CALN1: variants seen among roughly 807,000 people sequenced by gnomAD.
The protein encoded by CALN1 is calneuron 1, also known as calcium-binding protein 8.
CALN1 carries 17 observed loss-of-function variants against 30.6 expected under a neutral mutation model. The ratio of observed to expected loss-of-function variants is 0.56; its 90% CI spans 0.38 to 0.83. CALN1 has a LOEUF of 0.83. Ranked by LOEUF, CALN1 falls within the 40% of genes least tolerant of loss-of-function variation. CALN1 has a pLI of 0.00. For missense variants in CALN1, 291 were observed against 354.9 expected (o/e 0.82, Z 1.45); for synonymous variants, 156 against 131.4 (o/e 1.19, Z -1.28).
At chr7:72,308,256 T>C (rs1799785889) in intron 2 of CALN1, among the ~76,000 whole-genome samples, 1 of 151,152 alleles carries the variant, frequency 6.6e-6, no homozygotes, top group Non-Finnish European at 1.5e-5. Context: ...TTCAGCTACT[T>C]GGGAGGCCAA....
chr7:72,338,470 A>AGTGTGTGTGTGTGTGTGTGTGT lies in CALN1; in HGVS notation c.120-59682_120-59661dup, dbSNP rs56695086. 1.9e-3 allele frequency among the ~76,000 whole-genome samples: 140 copies of AGTGTGTGTGTGTGTGTGTGTGT among 74,778 alleles called. 6 individuals carry two copies. Among genetic ancestry groups the AGTGTGTGTGTGTGTGTGTGTGT allele is most frequent in the East Asian group, 3.4e-3 (8 of 2,384 alleles). 49.1% of individuals were successfully genotyped at this position (74,778 alleles called of 152,430 possible). A position where few individuals can be genotyped will look rare whatever the true frequency, so the allele number is the denominator to read the frequency against. On this transcript the variant is annotated intron_variant, in intron 2 of 6. Coordinates refer to ENST00000395275, the MANE Select transcript of CALN1 (RefSeq NM_031468.4). ...GGGCGTTTTTGTCAGCCAGCAGCAC[A>AGTGTGTGTGTGTGTGTGTGTGT]GTGTGTGTGTGTGTGTGTGTGTGTG...
At chr7:72,008,189 T>C (rs1016834987) in intron 5 of CALN1, among the ~76,000 whole-genome samples, 46 of 152,310 alleles carry the variant, frequency 3.0e-4, no homozygotes, top group Admixed American at 9.2e-4. Flanking sequence ...ATACAATAAA[T>C]AGTATGAAGA....
At chr7:71,804,888 G>A (rs1787516341) in intron 6 of CALN1, among the ~76,000 whole-genome samples, 9 of 152,192 alleles carry the variant, frequency 5.9e-5, no homozygotes, top group Admixed American at 5.9e-4. Flanking sequence ...CTTTAACCCA[G>A]GTGGCAGAGG....
At chr7:72,365,979 T>A (rs117195990) in intron 2 of CALN1, among the ~76,000 whole-genome samples, 2,298 of 152,184 alleles carry the variant, frequency 0.015, 25 homozygotes, top group African/African-American at 0.028. Context: ...CTAAATCCAA[T>A]TCTAAGTATT....
intron 5 of CALN1, among the ~76,000 whole-genome samples, chr7:71,858,637 TC>T (rs1178554158): frequency 6.6e-6 from 1 of 151,978 alleles, no homozygotes; most frequent in Non-Finnish European, 1.5e-5. Flanking sequence ...TCTGATTGCT[TC>T]CCCCGCCCTA....
intron 1 of CALN1, among the ~76,000 whole-genome samples, chr7:72,404,464 A>T (rs949448885): frequency 1.3e-5 from 2 of 152,226 alleles, no homozygotes; most frequent in African/African-American, 2.4e-5. Context: ...AAGTTCAGAG[A>T]GTGTAAATGG....
intron 5 of CALN1, among the ~76,000 whole-genome samples, chr7:71,869,351 C>A (rs1791785839): frequency 6.6e-6 from 1 of 152,106 alleles, no homozygotes; most frequent in Admixed American, 6.6e-5. Context: ...GCTGGGATTA[C>A]AAGCATGCAC....
rs528850645 is a variant in CALN1 at position 71,902,358 on chromosome 7, A to T, written c.502-91866T>A. On this transcript the variant is annotated intron_variant, in intron 5 of 6. Coordinates refer to ENST00000395275, the MANE Select transcript of CALN1 (RefSeq NM_031468.4). Reference sequence around the variant, plus strand: ...TCAGAGAAATGCAAATTATAACTACAATGAGATACTATCTTACACCAGTCA... The same window carrying T: ...TCAGAGAAATGCAAATTATAACTACTATGAGATACTATCTTACACCAGTCA... 7.2e-5 allele frequency among the ~76,000 whole-genome samples: 11 copies of T among 152,334 alleles called. No individual in the cohort carries two copies. The South Asian group carries it at 1.0e-3, about 14-fold the overall frequency.
intron 3 of CALN1, among the ~76,000 whole-genome samples, chr7:72,238,412 G>A (rs1045163476): frequency 9.2e-5 from 14 of 152,128 alleles, no homozygotes; most frequent in African/African-American, 3.4e-4. Flanking sequence ...ATTATTTAAT[G>A]AGTATAATTT....
At chr7:71,995,706 G>A (rs753016748) in intron 5 of CALN1, among the ~76,000 whole-genome samples, 42 of 152,124 alleles carry the variant, frequency 2.8e-4, no homozygotes, top group Non-Finnish European at 5.1e-4. Flanking sequence ...TTCCCTGGCA[G>A]GCCTGAAATC....
chr7:72,296,815 G>A (rs543462790), intron 2 of CALN1, among the ~76,000 whole-genome samples: 4 of 150,656 alleles, frequency 2.7e-5, no homozygotes, highest in African/African-American at 9.7e-5. Context: ...ACCAGCTCCT[G>A]GATTCATTGA....
At chr7:72,092,909 C>G (rs942620763) in intron 4 of CALN1, among the ~76,000 whole-genome samples, 9 of 152,148 alleles carry the variant, frequency 5.9e-5, no homozygotes, top group African/African-American at 2.2e-4. Context: ...TCTGCCACAA[C>G]TCTTGAGTGA....
At chr7:72,297,200 GA>G (rs893480819) in intron 2 of CALN1, among the ~76,000 whole-genome samples, 4 of 151,766 alleles carry the variant, frequency 2.6e-5, no homozygotes, top group Non-Finnish European at 5.9e-5. Context: ...GGAGCATTCA[GA>G]AAAAAAGTTT....
At chr7:72,431,735 G>A (rs1166403478) in intron 1 of CALN1, among the ~76,000 whole-genome samples, 1 of 151,910 alleles carries the variant, frequency 6.6e-6, no homozygotes, top group East Asian at 1.9e-4. Context: ...CTGGCTACTT[G>A]GTAGGCTGAG....
chr7:71,813,246 T>C (rs1355837336), intron 5 of CALN1, among the ~76,000 whole-genome samples: 2 of 152,154 alleles, frequency 1.3e-5, no homozygotes, highest in African/African-American at 2.4e-5. Flanking sequence ...GGTTTCACCA[T>C]GTTGGCCAGG....
intron 3 of CALN1, among the ~76,000 whole-genome samples, chr7:72,209,698 G>C (rs956443604): frequency 6.6e-6 from 1 of 151,838 alleles, no homozygotes; most frequent in Admixed American, 6.6e-5. Flanking sequence ...TTTGGCTATC[G>C]GGCTCTTTAT....
intron 4 of CALN1, among the ~76,000 whole-genome samples, chr7:72,059,826 G>C (rs1025487148): frequency 6.6e-6 from 1 of 152,116 alleles, no homozygotes; most frequent in African/African-American, 2.4e-5. Flanking sequence ...ATTTCTGAGA[G>C]GTTCTGATGA....
rs144894659 is a variant in CALN1 at position 71,937,316 on chromosome 7, A to C, written c.501+86341T>G. 7.3e-3 allele frequency among the ~76,000 whole-genome samples: 1,110 copies of C among 152,128 alleles called. 12 individuals carry two copies. The highest frequency in any genetic ancestry group is 0.024 in the African/African-American group (985 of 41,482). On this transcript the variant is annotated intron_variant, in intron 5 of 6. Coordinates refer to ENST00000395275, the MANE Select transcript of CALN1 (RefSeq NM_031468.4). ...CAAGAGTGAAACTTTGTCTCAAAAC[A>C]AAACAACACCAAAAAAAAACCCCAT...
At chr7:72,338,414 C>G (rs1417988886) in intron 2 of CALN1, among the ~76,000 whole-genome samples, 1 of 151,460 alleles carries the variant, frequency 6.6e-6, no homozygotes, top group African/African-American at 2.4e-5. Context: ...AATCACCTCT[C>G]CACTGTTTGG....
Sources: gnomAD v4.1 joint callset for allele counts (sites outside exome capture counted in the v4.1 genomes callset) on GRCh38, gnomAD v4.1.1 for gene constraint, MANE v1.5 for transcripts, NCBI Gene and HGNC (gene_info 2026-07-23, HGNC 2026-07-21) for gene names.